STK17B: variants seen among roughly 807,000 people sequenced by gnomAD.
STK17B encodes the protein serine/threonine-protein kinase 17B.
In STK17B, 21 loss-of-function variants were observed where a neutral mutation model predicts 42.0. The ratio of observed to expected loss-of-function variants is 0.50; its 90% CI spans 0.35 to 0.72. STK17B has a LOEUF of 0.72. Among genes scored for constraint, STK17B ranks in the 30% least tolerant of loss-of-function variants. The probability of loss-of-function intolerance (pLI) is 0.00; values close to 1 mark genes in which losing one functional copy is unlikely to be tolerated. For missense variants in STK17B, 349 were observed against 446.0 expected (o/e 0.78, Z 1.96); for synonymous variants, 143 against 148.4 (o/e 0.96, Z 0.26).
intron 7 of STK17B, among the ~76,000 whole-genome samples, chr2:196,139,176 G>C (rs1699454323): frequency 6.6e-6 from 1 of 151,736 alleles, no homozygotes; most frequent in Admixed American, 6.6e-5. Flanking sequence ...GTGTTAGCCA[G>C]GAGGGTCTCA....
Position 196,136,678 on chromosome 2 carries a change from G to C in STK17B, c.*769C>G, listed in dbSNP as rs557137267. On this transcript the variant is annotated 3_prime_UTR_variant, in exon 8 of 8. Coordinates refer to ENST00000263955, the MANE Select transcript of STK17B (RefSeq NM_004226.4). ...AGTATCTTCTACTCTAGAAATTCTG[G>C]AGGATTAAAAAACTCTACACTTGCA... 1 of 152,172 alleles carries C rather than the reference G, an allele frequency of 6.6e-6. No homozygotes were observed. The highest frequency in any genetic ancestry group is 6.5e-5 in the Admixed American group (1 of 15,280). The allele number at this position is 152,172 out of a possible 1,614,324, so 9.4% of individuals were successfully genotyped here.
At chr2:196,140,579 T>A (rs1378676012) in intron 6 of STK17B, among the ~76,000 whole-genome samples, 1 of 16,480 alleles carries the variant, frequency 6.1e-5, no homozygotes, top group Non-Finnish European at 1.9e-4. Context: ...TCTTCTAGCT[T>A]TTTTTTTTTT....
rs373627816 is a variant in STK17B, at chr2:196,169,841, T to G, written c.-45+1492A>C. Among the ~76,000 whole-genome samples the G allele has an allele frequency of 7.5e-4, 114 of 152,294 alleles. 1 individual carries two copies. The highest frequency in any genetic ancestry group is 2.6e-3 in the African/African-American group (110 of 41,566). On this transcript the variant is annotated intron_variant, in intron 1 of 7. Coordinates refer to ENST00000263955, the MANE Select transcript of STK17B (RefSeq NM_004226.4). Reference sequence around the variant, plus strand: ...ACAGAAATTCTACTTTTAAAAAGTCTTGCCATGTAAGCAAATATATTTCAC... The same window carrying G: ...ACAGAAATTCTACTTTTAAAAAGTCGTGCCATGTAAGCAAATATATTTCAC...
intron 1 of STK17B, among the ~76,000 whole-genome samples, chr2:196,169,890 GA>G (rs59209981): frequency 0.13 from 18,784 of 140,098 alleles, 2,111 homozygotes; most frequent in East Asian, 0.37. Context: ...CCCTACTTTA[GA>G]AAAAAAAAAA....
At chr2:196,144,486 C>CAAAAAAAAAA (rs869118381) in intron 4 of STK17B, among the ~76,000 whole-genome samples, 2 of 55,954 alleles carry the variant, frequency 3.6e-5, no homozygotes, top group African/African-American at 6.3e-5. Context: ...GACTCTGTCT[C>CAAAAAAAAAA]AAAAAAAAAA....
At chr2:196,163,492 CAG>C in intron 1 of STK17B, 65 bp from the exon 2 acceptor site, 1 of 1,220,374 alleles carries the variant, frequency 8.2e-7, no homozygotes, top group South Asian at 1.7e-5. Flanking sequence ...TTACATTACA[CAG>C]CTCCAAATAT....
Position 196,145,855 on chromosome 2 carries a change from A to G in STK17B, c.480+56T>C, listed in dbSNP as rs1699565370. On this transcript the variant is annotated intron_variant, in intron 4 of 7. Transcript: ENST00000263955. ...TTAATACCAGTTTGCAACTGTGCATACTAAGAGCAGAAGAAGAACACAGAT... is the reference window on the plus strand; with the variant it reads ...TTAATACCAGTTTGCAACTGTGCATGCTAAGAGCAGAAGAAGAACACAGAT... 5 of 1,497,562 alleles carry G rather than the reference A, an allele frequency of 3.3e-6. No homozygotes were observed. The East Asian group carries it at 1.2e-4, about 35-fold the overall frequency. The allele number at this position is 1,497,562 out of a possible 1,614,324, so 92.8% of individuals were successfully genotyped here. A position where few individuals can be genotyped will look rare whatever the true frequency, so the allele number is the denominator to read the frequency against.
chr2:196,168,947 G>T (rs1189774631), intron 1 of STK17B, among the ~76,000 whole-genome samples: 1 of 152,100 alleles, frequency 6.6e-6, no homozygotes, highest in East Asian at 1.9e-4. Context: ...TAAGTGGAAA[G>T]GTAGTAGATA....
At chr2:196,147,472 T>C (rs1699592576) in intron 3 of STK17B, among the ~76,000 whole-genome samples, 3 of 152,110 alleles carry the variant, frequency 2.0e-5, no homozygotes, top group African/African-American at 7.2e-5. Flanking sequence ...GAAAAAATAA[T>C]GGTGGGCTCA....
chr2:196,159,461 C>T (rs191310945), intron 2 of STK17B, among the ~76,000 whole-genome samples: 1 of 152,126 alleles, frequency 6.6e-6, no homozygotes, highest in Admixed American at 6.5e-5. Context: ...CAGGCACGCA[C>T]CACCACTCCT....
chr2:196,172,666 T>C (rs1265047347), upstream of STK17B, among the ~76,000 whole-genome samples: 3 of 152,236 alleles, frequency 2.0e-5, no homozygotes, highest in Non-Finnish European at 4.4e-5. Flanking sequence ...CACAGCCCTT[T>C]TATGAAGTCT....
intron 1 of STK17B, among the ~76,000 whole-genome samples, chr2:196,170,349 C>CA (rs1699923843): frequency 1.3e-5 from 2 of 152,220 alleles, no homozygotes; most frequent in South Asian, 4.1e-4. Flanking sequence ...TTCTGCTTAT[C>CA]ATTAGCACCA....
chr2:196,149,589 A>G (rs2105691736), intron 3 of STK17B, among the ~76,000 whole-genome samples: 1 of 152,330 alleles, frequency 6.6e-6, no homozygotes, highest in East Asian at 1.9e-4. Context: ...TCTTTGCTAA[A>G]TTAAAATCTA....
chr2:196,157,631 T>C (rs1173485608), intron 2 of STK17B, among the ~76,000 whole-genome samples: 1 of 152,148 alleles, frequency 6.6e-6, no homozygotes, highest in East Asian at 1.9e-4. Flanking sequence ...TACTTCATGA[T>C]AAACTAAGAA....
At chr2:196,149,500 T>G (rs1996619) in intron 3 of STK17B, among the ~76,000 whole-genome samples, 1 of 152,008 alleles carries the variant, frequency 6.6e-6, no homozygotes, top group Admixed American at 6.5e-5. Context: ...AAACATTAAT[T>G]GCAAATCTAG....
In STK17B at chr2:196,156,554, G is replaced by A. The variant is rs774826980; in HGVS notation, c.220C>T (p.Arg74Ter). The part of the protein sequence containing the change: ...LKKRRRGQDC[R>*]AEILHEIAVL... ...GCAATCTCGTGTAAAATTTCTGCTC[G>A]ACAATCCTGTCCTCTTCTTCTCTTT... The change falls in exon 3 of 8, where the codon CGA becomes TGA. Residue 74 changes from arginine to a stop codon, truncating the protein, a stop_gained. Coordinates refer to ENST00000263955, the MANE Select transcript of STK17B (RefSeq NM_004226.4). LOFTEE classifies it high-confidence loss of function. The A allele has an allele frequency of 3.7e-6, 6 of 1,613,854 alleles. No homozygotes were observed. The highest frequency in any genetic ancestry group is 1.3e-5 in the African/African-American group (1 of 74,888).
Position 196,136,327 on chromosome 2 carries a change from G to C in STK17B, c.*1120C>G, listed in dbSNP as rs1223427889. On this transcript the variant is annotated 3_prime_UTR_variant, in exon 8 of 8. Transcript: ENST00000263955. The stretch of plus-strand genomic sequence containing the variant: ...GTCTCTTGCATTGGTCCCAGCAAAA[G>C]ACCACAATGAGGGGCCACTCTGCAG... The C allele has an allele frequency of 6.6e-6, 1 of 152,366 alleles. No individual in the cohort carries two copies. Among genetic ancestry groups the C allele is most frequent in the Non-Finnish European group, 1.5e-5 (1 of 68,024 alleles). 9.4% of individuals were successfully genotyped at this position (152,366 alleles called of 1,614,324 possible). A position where few individuals can be genotyped will look rare whatever the true frequency, so the allele number is the denominator to read the frequency against.
chr2:196,164,099 T>A (rs912536695), intron 1 of STK17B, among the ~76,000 whole-genome samples: 1 of 151,744 alleles, frequency 6.6e-6, no homozygotes, highest in Admixed American at 6.6e-5. Flanking sequence ...ACATAATAGG[T>A]AATTTAATAC....
chr2:196,157,603 A>G (rs1237310492), intron 2 of STK17B, among the ~76,000 whole-genome samples: 1 of 152,216 alleles, frequency 6.6e-6, no homozygotes, highest in Non-Finnish European at 1.5e-5. Context: ...TATGTGTCCT[A>G]CAGAAAATAT....
Sources: allele counts gnomAD v4.1 joint callset (sites outside exome capture counted in the v4.1 genomes callset), GRCh38; gene constraint gnomAD v4.1.1; transcripts MANE v1.5; gene names NCBI Gene and HGNC (gene_info 2026-07-23, HGNC 2026-07-21).